FAM114A2: variants seen among roughly 807,000 people sequenced by gnomAD.
FAM114A2 encodes family with sequence similarity 114 member A2.
In FAM114A2, 53 loss-of-function variants were observed where a neutral mutation model predicts 58.4. The observed-to-expected ratio is 0.91, with a 90% confidence interval of 0.73 to 1.14. The LOEUF (loss-of-function observed/expected upper bound fraction) is 1.14, where lower values mean the gene tolerates loss of function less well. FAM114A2 is among the 50% of genes most tolerant of loss of function. The pLI is 0.00. For missense variants in FAM114A2, 601 were observed against 581.1 expected (o/e 1.03, Z -0.35); for synonymous variants, 228 against 211.4 (o/e 1.08, Z -0.68).
At chr5:154,031,858 C>T (rs796872642) in intron 4 of FAM114A2, among the ~76,000 whole-genome samples, 22 of 152,224 alleles carry the variant, frequency 1.4e-4, no homozygotes, top group African/African-American at 5.3e-4. Flanking sequence ...AACTCAGGAC[C>T]CCAAATTTAC....
Position 153,990,707 on chromosome 5 carries a change from C to T in FAM114A2, c.*2269G>A, listed in dbSNP as rs1203927411. 1 of 152,118 alleles carries T rather than the reference C, an allele frequency of 6.6e-6. No individual in the cohort carries two copies. The highest frequency in any genetic ancestry group is 2.4e-5 in the African/African-American group (1 of 41,416). 9.4% of individuals were successfully genotyped at this position (152,118 alleles called of 1,614,324 possible). On this transcript the variant is annotated 3_prime_UTR_variant, in exon 14 of 14. Transcript: ENST00000351797. Reference sequence around the variant, plus strand: ...CACATTTACCCTAGCAATACCTGAACATTTCACTTATTAAGGTTTTAAGTG... The same window carrying T: ...CACATTTACCCTAGCAATACCTGAATATTTCACTTATTAAGGTTTTAAGTG...
At chr5:153,995,416 A>T (rs1037260165) in intron 12 of FAM114A2, 1 of 152,652 alleles carries the variant, frequency 6.6e-6, no homozygotes, top group Non-Finnish European at 1.5e-5. Context: ...ATCTTTATGG[A>T]ACACACAGAA....
intron 9 of FAM114A2, among the ~76,000 whole-genome samples, chr5:154,010,757 A>G (rs1770638403): frequency 2.0e-5 from 3 of 152,208 alleles, no homozygotes; most frequent in Non-Finnish European, 2.9e-5. Context: ...AGCACCAAAA[A>G]TAAGGGCCTT....
At chr5:153,994,514 C>G (rs1042842660) in intron 13 of FAM114A2, 2 of 156,424 alleles carry the variant, frequency 1.3e-5, no homozygotes, top group African/African-American at 4.8e-5. Flanking sequence ...GATTTCCTGG[C>G]AAGGAAATGA....
In FAM114A2 at chr5:154,002,831, T is replaced by C; in HGVS notation, c.1116+16A>G. 1 of 1,613,848 alleles carries C rather than the reference T, an allele frequency of 6.2e-7. No individual in the cohort carries two copies. The highest frequency in any genetic ancestry group is 2.2e-5 in the East Asian group (1 of 44,870). ...TCTACTAAAACAAACAAAAAAGGCT[T>C]AGTTGCTTTGGCTACCTCTATTGAA... On this transcript the variant is annotated intron_variant, in intron 10 of 13. Coordinates refer to ENST00000351797, the MANE Select transcript of FAM114A2 (RefSeq NM_018691.4).
At chr5:154,021,524 T>A (rs1294069640) in intron 8 of FAM114A2, among the ~76,000 whole-genome samples, 1 of 152,144 alleles carries the variant, frequency 6.6e-6, no homozygotes, top group Non-Finnish European at 1.5e-5. Flanking sequence ...GAGAGCCAAA[T>A]CATGAGTGAA....
intron 8 of FAM114A2, among the ~76,000 whole-genome samples, chr5:154,015,708 C>T (rs1770995511): frequency 6.6e-6 from 1 of 152,056 alleles, no homozygotes; most frequent in South Asian, 2.1e-4. Context: ...TATGACAAAA[C>T]AAGGTTCTTT....
chr5:153,993,317 ATGTCAGCATTTTGTACAACT>A lies in FAM114A2; in HGVS notation c.1384-227_1384-208del, dbSNP rs144659439. The stretch of plus-strand genomic sequence containing the variant: ...AAGATGATATGAGCACCAAAAGAGA[ATGTCAGCATTTTGTACAACT>A]TGCCCATCAGACATGGTAGCTTTTC... On this transcript the variant is annotated intron_variant, in intron 13 of 13. Transcript: ENST00000351797. 9.4e-3 allele frequency among the ~76,000 whole-genome samples: 1,426 copies of A among 152,282 alleles called. 22 individuals carry two copies. The highest frequency in any genetic ancestry group is 0.032 in the African/African-American group (1,347 of 41,560).
At chr5:153,996,366 C>T (rs1769553775) in intron 12 of FAM114A2, among the ~76,000 whole-genome samples, 1 of 151,920 alleles carries the variant, frequency 6.6e-6, no homozygotes. Flanking sequence ...TGAAGCAGGG[C>T]CCCCTACCTT....
At chr5:154,020,115 T>G (rs1054155907) in intron 8 of FAM114A2, among the ~76,000 whole-genome samples, 1 of 152,130 alleles carries the variant, frequency 6.6e-6, no homozygotes, top group African/African-American at 2.4e-5. Flanking sequence ...AAAGACACAA[T>G]GTACCAGAAT....
rs987412847 is a variant in FAM114A2 at position 153,992,245 on chromosome 5, C to T, written c.*731G>A. 6.6e-6 allele frequency: 1 copy of T among 152,202 alleles called. No individual in the cohort carries two copies. Among genetic ancestry groups the T allele is most frequent in the African/African-American group, 2.4e-5 (1 of 41,440 alleles). 9.4% of individuals were successfully genotyped at this position (152,202 alleles called of 1,614,324 possible). On this transcript the variant is annotated 3_prime_UTR_variant, in exon 14 of 14. Transcript: ENST00000351797. ...TATCTGCAAACATAAAACTGCTTCT[C>T]TAAATTGCATTTACTGGCCTTGAAT...
chr5:154,019,141 T>C (rs570910162), intron 8 of FAM114A2, among the ~76,000 whole-genome samples: 2 of 152,206 alleles, frequency 1.3e-5, no homozygotes, highest in South Asian at 2.1e-4. Context: ...GATGATTGTT[T>C]ACCTAGAAAA....
intron 7 of FAM114A2, 54 bp downstream of exon 7, chr5:154,027,122 C>A (rs1344491164): frequency 7.1e-7 from 1 of 1,418,414 alleles, no homozygotes; most frequent in Non-Finnish European, 9.7e-7. Flanking sequence ...GGAAACCATG[C>A]AGCATTCTTT....
At chr5:154,034,723 T>TG (rs764645406) in intron 2 of FAM114A2, 21 bp downstream of exon 2, 191 of 1,555,632 alleles carry the variant, frequency 1.2e-4, no homozygotes, top group Non-Finnish European at 1.6e-4. Context: ...GATACCCTAC[T>TG]TTTTCTGTGG....
At chr5:154,026,649 T>C (rs1771793531) in intron 7 of FAM114A2, 127 bp from the exon 8 acceptor site, 2 of 537,404 alleles carry the variant, frequency 3.7e-6, no homozygotes, top group Non-Finnish European at 5.8e-6. Flanking sequence ...CAGCACAAGT[T>C]ATTCCTTAAG....
chr5:154,028,492 G>A (rs974576437), intron 5 of FAM114A2, among the ~76,000 whole-genome samples: 1 of 152,116 alleles, frequency 6.6e-6, no homozygotes, highest in East Asian at 1.9e-4. Context: ...TACTCCAGCT[G>A]CATGACCCAG....
At chr5:153,997,006 A>G (rs1383098628) in intron 12 of FAM114A2, among the ~76,000 whole-genome samples, 6 of 151,694 alleles carry the variant, frequency 4.0e-5, no homozygotes, top group Non-Finnish European at 1.5e-5. Context: ...AAAAAAAAAA[A>G]AAAAGAAAGA....
chr5:154,020,249 A>G (rs535445410), intron 8 of FAM114A2, among the ~76,000 whole-genome samples: 1 of 152,340 alleles, frequency 6.6e-6, no homozygotes, highest in Admixed American at 6.5e-5. Context: ...CTAGAGAAGC[A>G]AGAGCGAACA....
intron 8 of FAM114A2, among the ~76,000 whole-genome samples, chr5:154,017,569 A>C (rs1384209779): frequency 2.0e-5 from 3 of 152,236 alleles, no homozygotes; most frequent in Non-Finnish European, 2.9e-5. Flanking sequence ...AATGGATTTA[A>C]ACTATACCCT....
Sources: allele counts gnomAD v4.1 joint callset (sites outside exome capture counted in the v4.1 genomes callset), GRCh38; gene constraint gnomAD v4.1.1; transcripts MANE v1.5; gene names NCBI Gene and HGNC (gene_info 2026-07-23, HGNC 2026-07-21).